The following COL11A1 variants were observed in gnomAD, a reference collection of about 807,000 sequenced individuals.
COL11A1 encodes collagen alpha-1(XI) chain.
Under a neutral mutation model 265.2 loss-of-function variants are expected in COL11A1, and 74 were observed. The observed-to-expected ratio is 0.28, with a 90% CI of 0.23 to 0.34. The LOEUF is 0.34. COL11A1 is among the 10% of genes least tolerant of loss of function. The pLI is 1.00. For missense variants in COL11A1, 2,165 were observed against 2,263.6 expected (o/e 0.96, Z 0.88); for synonymous variants, 816 against 727.6 (o/e 1.12, Z -1.96).
At chr1:103,045,669 C>T (rs1215572940) in intron 4 of COL11A1, among the ~76,000 whole-genome samples, 1 of 151,864 alleles carries the variant, frequency 6.6e-6, no homozygotes, top group East Asian at 1.9e-4. Flanking sequence ...GCACAACGTG[C>T]AGGTTTGTTA....
At chr1:102,913,360 T>G (rs555364604) in intron 53 of COL11A1, among the ~76,000 whole-genome samples, 4 of 152,326 alleles carry the variant, frequency 2.6e-5, no homozygotes, top group African/African-American at 9.6e-5. Context: ...TTTAACACAA[T>G]GGATAGATAA....
chr1:102,904,434 G>A (rs1204734764), intron 54 of COL11A1, among the ~76,000 whole-genome samples: 2 of 152,080 alleles, frequency 1.3e-5, no homozygotes, highest in Non-Finnish European at 2.9e-5. Flanking sequence ...AGAGTGAACA[G>A]GCAACCTACA....
intron 14 of COL11A1, among the ~76,000 whole-genome samples, chr1:103,009,214 G>T (rs1384785816): frequency 3.3e-5 from 5 of 152,118 alleles, no homozygotes; most frequent in African/African-American, 2.4e-5. Context: ...AGGAGTTCGA[G>T]ACCAGACTGG....
intron 1 of COL11A1, among the ~76,000 whole-genome samples, chr1:103,088,550 T>G (rs1437451775): frequency 6.6e-6 from 1 of 152,182 alleles, no homozygotes; most frequent in Non-Finnish European, 1.5e-5. Context: ...TATATGAAAT[T>G]TCAGCTTTCA....
At chr1:102,931,796 T>C (rs539067882) in intron 46 of COL11A1, among the ~76,000 whole-genome samples, 2,792 of 151,772 alleles carry the variant, frequency 0.018, 90 homozygotes, top group African/African-American at 0.064. Context: ...TGCATATATA[T>C]TTAGGATAGT....
At chr1:103,004,344 A>G in intron 20 of COL11A1, 100 bp downstream of exon 20, 1 of 881,034 alleles carries the variant, frequency 1.1e-6, no homozygotes, top group East Asian at 2.6e-5. Flanking sequence ...CTAAGACTGC[A>G]ATGTTTACCT....
chr1:103,029,222 T>C (rs745514829), intron 5 of COL11A1, among the ~76,000 whole-genome samples: 7 of 152,022 alleles, frequency 4.6e-5, no homozygotes, highest in Non-Finnish European at 8.8e-5. Flanking sequence ...TTAATCCAAA[T>C]TAGAATAATA....
chr1:102,921,081 A>G (rs1655939285), intron 48 of COL11A1, among the ~76,000 whole-genome samples: 2 of 152,332 alleles, frequency 1.3e-5, no homozygotes, highest in Admixed American at 6.5e-5. Context: ...AACATTTTAC[A>G]TGATAAAGGG....
At chr1:103,034,912 G>T (rs911935959) in intron 4 of COL11A1, among the ~76,000 whole-genome samples, 8 of 152,018 alleles carry the variant, frequency 5.3e-5, no homozygotes, top group Non-Finnish European at 8.8e-5. Context: ...TGATTTCCTT[G>T]AAGTAATTCT....
chr1:102,951,256 C>A (rs115229340), intron 41 of COL11A1, among the ~76,000 whole-genome samples: 4,436 of 152,208 alleles, frequency 0.029, 241 homozygotes, highest in African/African-American at 0.1. Context: ...TGAATTAATG[C>A]AGCACTTGGC....
chr1:102,989,569 A>C lies in COL11A1; in HGVS notation c.2343T>G (p.Gly781=), dbSNP rs1419260636. ...CTTTGAATCCTGGAAAACCATCTTC[A>C]CCCTAAAACATTATAAAAGGAATTA... The part of the protein sequence containing the change: ...RGLKGSKGEK[G]EDGFPGFKGD... The change falls in exon 29 of 67, where the codon GGT becomes GGG. Residue 781 remains glycine, a splice_region_variant and synonymous_variant. Coordinates refer to ENST00000370096, the MANE Select transcript of COL11A1 (RefSeq NM_001854.4). The C allele has an allele frequency of 7.5e-6, 12 of 1,608,240 alleles. No individual in the cohort carries two copies. In the East Asian group the frequency reaches 2.2e-4, roughly 30 times the overall value.
chr1:102,896,128 C>T lies in COL11A1; in HGVS notation c.4302+1997G>A, dbSNP rs554675454. 4.6e-5 allele frequency among the ~76,000 whole-genome samples: 7 copies of T among 151,714 alleles called. No homozygotes were observed. In the South Asian group the frequency reaches 1.5e-3, roughly 32 times the overall value. ...CCCATGGGGTAGAAGATATCCATAT[C>T]CCAATTGAACTCACTTAAACTTTAG... On this transcript the variant is annotated intron_variant, in intron 57 of 66. Transcript: ENST00000370096.
chr1:103,107,089 G>A (rs889156563), intron 1 of COL11A1, among the ~76,000 whole-genome samples: 4 of 152,132 alleles, frequency 2.6e-5, no homozygotes, highest in African/African-American at 9.7e-5. Context: ...GACCGCTCCA[G>A]CCAGATGCCT....
At chr1:103,079,852 C>T (rs1571232113) in intron 2 of COL11A1, among the ~76,000 whole-genome samples, 1 of 151,818 alleles carries the variant, frequency 6.6e-6, no homozygotes, top group Non-Finnish European at 1.5e-5. Context: ...CCATTCATTC[C>T]AAATTCTATT....
At chr1:103,106,259 G>C (rs1156410009) in intron 1 of COL11A1, among the ~76,000 whole-genome samples, 1 of 152,142 alleles carries the variant, frequency 6.6e-6, no homozygotes, top group Non-Finnish European at 1.5e-5. Context: ...CTGAATCCAT[G>C]CAAAAGTGTC....
intron 46 of COL11A1, among the ~76,000 whole-genome samples, chr1:102,928,330 T>G (rs993543521): frequency 6.8e-6 from 1 of 146,050 alleles, no homozygotes; most frequent in African/African-American, 2.5e-5. Flanking sequence ...AATTCCCACC[T>G]ATGAGTGAGA....
At chr1:102,886,346 T>G (rs2100837013) in intron 63 of COL11A1, among the ~76,000 whole-genome samples, 1 of 152,300 alleles carries the variant, frequency 6.6e-6, no homozygotes, top group African/African-American at 2.4e-5. Context: ...TTCTTAATAT[T>G]CTGTTCACCA....
At chr1:103,043,261 A>G (rs12717796) in intron 4 of COL11A1, among the ~76,000 whole-genome samples, 88,295 of 147,650 alleles carry the variant, frequency 0.6, 28,828 homozygotes, top group East Asian at 0.92. Flanking sequence ...TATGAAATAT[A>G]TATTTTATAT....
At chr1:103,074,287 G>A (rs971870218) in intron 4 of COL11A1, among the ~76,000 whole-genome samples, 3 of 152,024 alleles carry the variant, frequency 2.0e-5, no homozygotes, top group African/African-American at 7.2e-5. Context: ...CCCATAGAAT[G>A]AAATGAAGAA....
Sources: gnomAD v4.1 joint callset for allele counts (sites outside exome capture counted in the v4.1 genomes callset) on GRCh38, gnomAD v4.1.1 for gene constraint, MANE v1.5 for transcripts, NCBI Gene and HGNC (gene_info 2026-07-23, HGNC 2026-07-21) for gene names.